TRPC6: variants seen among roughly 807,000 people sequenced by gnomAD.
The protein encoded by TRPC6 is transient receptor potential cation channel subfamily C member 6.
In TRPC6, 55 loss-of-function variants were observed where a neutral mutation model predicts 90.7. The observed-to-expected ratio is 0.61, with a 90% CI of 0.49 to 0.76. TRPC6 has a LOEUF of 0.76. Ranked by LOEUF, TRPC6 falls within the 30% of genes least tolerant of loss-of-function variation. The pLI, the probability that TRPC6 is intolerant of heterozygous loss-of-function variation, is 0.00. For missense variants in TRPC6, 989 were observed against 1,122.7 expected, an observed-to-expected ratio of 0.88 and a Z score of 1.70; for synonymous variants, 393 against 393.0, an observed-to-expected ratio of 1.00 and a Z score of 0.00.
intron 1 of TRPC6, among the ~76,000 whole-genome samples, chr11:101,507,094 A>G (rs1860292722): frequency 6.6e-6 from 1 of 150,854 alleles, no homozygotes; most frequent in Admixed American, 6.6e-5. Context: ...TTGTTATATC[A>G]TGACTTTTTT....
At chr11:101,539,781 A>G (rs1719332680) in intron 1 of TRPC6, among the ~76,000 whole-genome samples, 1 of 152,198 alleles carries the variant, frequency 6.6e-6, no homozygotes, top group African/African-American at 2.4e-5. Context: ...AAATTTAGTA[A>G]TAAGTTTCTG....
At chr11:101,494,426 G>A (rs4129253) in intron 2 of TRPC6, among the ~76,000 whole-genome samples, 20,253 of 152,004 alleles carry the variant, frequency 0.13, 1,509 homozygotes, top group African/African-American at 0.18. Context: ...GCAAGCATTC[G>A]ATAAATTGTA....
At chr11:101,472,696 A>AATAG (rs2136672125) in intron 7 of TRPC6, among the ~76,000 whole-genome samples, 1 of 152,318 alleles carries the variant, frequency 6.6e-6, no homozygotes, top group African/African-American at 2.4e-5. Flanking sequence ...ACTCATATCC[A>AATAG]ATAGATAATA....
chr11:101,495,377 T>C (rs1370071731), intron 2 of TRPC6, among the ~76,000 whole-genome samples: 1 of 152,172 alleles, frequency 6.6e-6, no homozygotes, highest in African/African-American at 2.4e-5. Context: ...GTCTTGATTC[T>C]CAGTAATCTA....
At chr11:101,581,189 C>G (rs1428679012) in intron 1 of TRPC6, among the ~76,000 whole-genome samples, 1 of 152,192 alleles carries the variant, frequency 6.6e-6, no homozygotes, top group African/African-American at 2.4e-5. Flanking sequence ...CTGTTCATCA[C>G]TCTGCTGCTC....
In TRPC6 at chr11:101,452,816, T is replaced by G; in HGVS notation, c.*139A>C. ...CACCAAAAAAATTAGATACTAGGGC[T>G]CCAGATGATAGGATGGCCCAAGTTA... On this transcript the variant is annotated 3_prime_UTR_variant, in exon 13 of 13. Coordinates refer to ENST00000344327, the MANE Select transcript of TRPC6 (RefSeq NM_004621.6). 1.1e-6 allele frequency: 1 copy of G among 951,092 alleles called. No homozygotes were observed. Among genetic ancestry groups the G allele is most frequent in the East Asian group, 2.5e-5 (1 of 40,650 alleles). 58.9% of individuals were successfully genotyped at this position (951,092 alleles called of 1,614,324 possible). A position where few individuals can be genotyped will look rare whatever the true frequency, so the allele number is the denominator to read the frequency against.
In TRPC6 at chr11:101,583,620, G is replaced by GGCAGTCCGAACTGGACC; in HGVS notation, c.-118_-117insGGTCCAGTTCGGACTGC. ...GGCCGAACTGGACCTGGGCAGACCG[G>GGCAGTCCGAACTGGACC]TGCCCAGGGGACGACGGTGAAGCAG... On this transcript the variant is annotated 5_prime_UTR_variant, in exon 1 of 13. Transcript: ENST00000344327. 1 of 1,157,356 alleles carries GGCAGTCCGAACTGGACC rather than the reference G, an allele frequency of 8.6e-7. No homozygotes were observed. Among genetic ancestry groups the GGCAGTCCGAACTGGACC allele is most frequent in the South Asian group, 2.0e-5 (1 of 49,572 alleles). 71.7% of individuals were successfully genotyped at this position (1,157,356 alleles called of 1,614,324 possible).
chr11:101,469,886 A>G (rs1859248097), intron 9 of TRPC6, among the ~76,000 whole-genome samples: 1 of 152,210 alleles, frequency 6.6e-6, no homozygotes, highest in Non-Finnish European at 1.5e-5. Flanking sequence ...GTACTTTTAT[A>G]TACTTATTTG....
chr11:101,471,282 TG>T lies in TRPC6; in HGVS notation c.2309del (p.Pro770GlnfsTer9), dbSNP rs1859286771. ...TCAGTAAGAGATAAAACAGGGACTT[TG>T]GACTCGGCACCAGATTGAAGGGTAC... ...LPVPFNLVPS[P>X]KSLFYLLLKL... is the part of the protein sequence containing the mutation. On this transcript the variant is annotated frameshift_variant, in exon 9 of 13. Coordinates refer to ENST00000344327, the MANE Select transcript of TRPC6 (RefSeq NM_004621.6). LOFTEE classifies it high-confidence loss of function. 6.2e-7 allele frequency: 1 copy of T among 1,613,906 alleles called. No homozygotes were observed. The highest frequency in any genetic ancestry group is 8.5e-7 in the Non-Finnish European group (1 of 1,179,916).
At chr11:101,537,402 AT>A (rs974072551) in intron 1 of TRPC6, among the ~76,000 whole-genome samples, 15 of 150,808 alleles carry the variant, frequency 9.9e-5, no homozygotes, top group South Asian at 2.1e-4. Flanking sequence ...TTCTCCTTGT[AT>A]TTTTTTTTGT....
At chr11:101,464,161 T>C (rs1415270078) in intron 10 of TRPC6, among the ~76,000 whole-genome samples, 1 of 152,222 alleles carries the variant, frequency 6.6e-6, no homozygotes, top group Non-Finnish European at 1.5e-5. Context: ...TGAGAGACCA[T>C]TTTTTATGAT....
At chr11:101,544,006 G>A (rs12800634) in intron 1 of TRPC6, among the ~76,000 whole-genome samples, 15,222 of 152,112 alleles carry the variant, frequency 0.1, 878 homozygotes, top group Middle Eastern at 0.14. Context: ...CTAATATCCA[G>A]AATCTAAAAT....
At chr11:101,515,258 A>C (rs1389392195) in intron 1 of TRPC6, among the ~76,000 whole-genome samples, 2 of 152,202 alleles carry the variant, frequency 1.3e-5, no homozygotes, top group African/African-American at 4.8e-5. Flanking sequence ...CATCTGCACC[A>C]TGTGTCCAAA....
At chr11:101,565,167 C>T (rs750969002) in intron 1 of TRPC6, among the ~76,000 whole-genome samples, 3 of 152,030 alleles carry the variant, frequency 2.0e-5, no homozygotes, top group Non-Finnish European at 4.4e-5. Flanking sequence ...TTGGATATGA[C>T]ACCAAAAGCA....
At chr11:101,567,626 C>T (rs958438281) in intron 1 of TRPC6, among the ~76,000 whole-genome samples, 4 of 152,172 alleles carry the variant, frequency 2.6e-5, no homozygotes, top group Non-Finnish European at 5.9e-5. Context: ...CTCTGGCTGG[C>T]ATCTGGTGGG....
At chr11:101,565,676 AGAATAGCACCTT>A (rs1298876882) in intron 1 of TRPC6, among the ~76,000 whole-genome samples, 1 of 152,098 alleles carries the variant, frequency 6.6e-6, no homozygotes, top group African/African-American at 2.4e-5. Flanking sequence ...AAATATATTA[AGAATAGCACCTT>A]GTATATAATA....
intron 1 of TRPC6, among the ~76,000 whole-genome samples, chr11:101,516,832 G>C (rs1860534391): frequency 6.6e-6 from 1 of 152,186 alleles, no homozygotes; most frequent in African/African-American, 2.4e-5. Context: ...ATCTGCTGCT[G>C]TCTACTCTCT....
In TRPC6 at chr11:101,583,851, TG is replaced by T. The variant is rs1862261544; in HGVS notation, c.-349del. On this transcript the variant is annotated 5_prime_UTR_variant, in exon 1 of 13. It removes the in-frame stop codon of an upstream open reading frame in the 5' UTR. Transcript: ENST00000344327. Reference sequence around the variant, plus strand: ...GAGCGGAGAGCAAGGGAGACGGAGCTGAAGAGTTACTATGTCAACAGAGACT... The same window carrying T: ...GAGCGGAGAGCAAGGGAGACGGAGCTAAGAGTTACTATGTCAACAGAGACT... 4.0e-6 allele frequency: 1 copy of T among 252,002 alleles called. No individual in the cohort carries two copies. The allele number at this position is 252,002 out of a possible 1,614,324, so 15.6% of individuals were successfully genotyped here.
At chr11:101,583,141 G>A (rs1422862354) in intron 1 of TRPC6, 193 bp downstream of exon 1, 1 of 981,442 alleles carries the variant, frequency 1.0e-6, no homozygotes, top group Non-Finnish European at 1.2e-6. Flanking sequence ...AGACAACCCC[G>A]CCTCCCCCAC....
Sources: gnomAD v4.1 joint callset for allele counts (sites outside exome capture counted in the v4.1 genomes callset) on GRCh38, gnomAD v4.1.1 for gene constraint, MANE v1.5 for transcripts, NCBI Gene and HGNC (gene_info 2026-07-23, HGNC 2026-07-21) for gene names.